The following TENM1 variants were observed in gnomAD, a reference collection of about 807,000 sequenced individuals.
TENM1 encodes teneurin-1.
Under a neutral mutation model 174.8 loss-of-function variants are expected in TENM1, and 35 were observed. The observed-to-expected ratio is 0.20, with a 90% CI of 0.15 to 0.27. TENM1 has a LOEUF of 0.27. TENM1 is among the 10% of genes least tolerant of loss of function. The pLI is 1.00. For missense variants in TENM1, 1,633 were observed against 2,130.1 expected (o/e 0.77, Z 4.59); for synonymous variants, 781 against 798.7 (o/e 0.98, Z 0.37).
intron 22 of TENM1, among the ~76,000 whole-genome samples, chrX:124,475,074 T>C (rs960996033): frequency 2.7e-5 from 3 of 111,522 alleles, no homozygotes; most frequent in African/African-American, 9.8e-5. Context: ...GGTGGTAGAA[T>C]GCTGTCTTAC....
At chrX:125,117,310 A>G in the TENM1 span, among the ~76,000 whole-genome samples, 2 of 112,490 alleles carry the variant, frequency 1.8e-5, no homozygotes, top group East Asian at 5.6e-4. Context: ...CCAAATGTCC[A>G]ACAGTGACAG....
intron 11 of TENM1, among the ~76,000 whole-genome samples, chrX:124,586,757 T>G (rs767280096): frequency 2.9e-3 from 306 of 106,032 alleles, no homozygotes; most frequent in Middle Eastern, 0.023. Context: ...TGTCCCTGTT[T>G]GCAGATGACA....
intron 5 of TENM1, among the ~76,000 whole-genome samples, chrX:124,675,550 C>T (rs1465992732): frequency 9.2e-6 from 1 of 108,518 alleles, no homozygotes; most frequent in Non-Finnish European, 1.9e-5. Flanking sequence ...AAGTCATATT[C>T]ACATGTTGAT....
chrX:125,005,930 CA>C, the TENM1 span, among the ~76,000 whole-genome samples: 2 of 111,483 alleles, frequency 1.8e-5, no homozygotes, highest in Admixed American at 9.5e-5. Flanking sequence ...GTTTTGAGCA[CA>C]AAACTGGGTG....
At chrX:124,703,504 C>T (rs1328802985) in intron 5 of TENM1, among the ~76,000 whole-genome samples, 1 of 111,789 alleles carries the variant, frequency 8.9e-6, no homozygotes, top group Admixed American at 9.5e-5. Context: ...CTTGCTATTA[C>T]TTGAGCTTGT....
At chrX:124,897,673 T>C (rs1483584023) in intron 1 of TENM1, among the ~76,000 whole-genome samples, 2 of 112,397 alleles carry the variant, frequency 1.8e-5, no homozygotes, top group Non-Finnish European at 3.8e-5. Flanking sequence ...ATTAGAAATA[T>C]TCAATTAAAA....
At chrX:125,187,021 G>A in the TENM1 span, among the ~76,000 whole-genome samples, 8,470 of 111,877 alleles carry the variant, frequency 0.076, 784 homozygotes, top group African/African-American at 0.26. Context: ...CCAATGCTTT[G>A]AGAGGCTGAG....
intron 3 of TENM1, among the ~76,000 whole-genome samples, chrX:124,755,643 C>T (rs1453401439): frequency 1.0e-4 from 11 of 110,334 alleles, no homozygotes; most frequent in African/African-American, 2.0e-4. Context: ...TTCCTTTCCA[C>T]GTTTAGTGCT....
chrX:124,427,951 G>C (rs752309770), intron 23 of TENM1, among the ~76,000 whole-genome samples: 4 of 69,671 alleles, frequency 5.7e-5, no homozygotes, highest in African/African-American at 1.3e-4. Flanking sequence ...TTCTTTTTTG[G>C]GGGGGTGGGA....
intron 11 of TENM1, among the ~76,000 whole-genome samples, chrX:124,610,702 A>T (rs1652297841): frequency 9.0e-6 from 1 of 111,435 alleles, no homozygotes. Context: ...CTTTTCTGCC[A>T]GGGAGGTATT....
chrX:125,054,800 G>A, the TENM1 span, among the ~76,000 whole-genome samples: 2 of 111,482 alleles, frequency 1.8e-5, no homozygotes, highest in Admixed American at 9.5e-5. Context: ...GGAGGCGAGG[G>A]TAACATTTTT....
chrX:124,839,597 C>T (rs767112736), intron 3 of TENM1, among the ~76,000 whole-genome samples: 2 of 111,372 alleles, frequency 1.8e-5, no homozygotes, highest in African/African-American at 6.5e-5. Context: ...TGAAAAGTCC[C>T]TGATTAAACA....
the TENM1 span, among the ~76,000 whole-genome samples, chrX:125,026,542 CT>C: frequency 9.0e-6 from 1 of 111,712 alleles, no homozygotes; most frequent in Non-Finnish European, 1.9e-5. Flanking sequence ...CGCTCATTCA[CT>C]GAGGCTTGTG....
intron 23 of TENM1, among the ~76,000 whole-genome samples, chrX:124,423,856 C>T (rs764956694): frequency 4.2e-4 from 47 of 111,869 alleles, no homozygotes; most frequent in African/African-American, 1.5e-3. Flanking sequence ...TATGTTGAAG[C>T]CCTAACCCCC....
At chrX:124,799,735 G>C (rs1007328175) in intron 3 of TENM1, among the ~76,000 whole-genome samples, 4 of 111,360 alleles carry the variant, frequency 3.6e-5, no homozygotes, top group African/African-American at 1.3e-4. Context: ...ATTGGCTGTG[G>C]GTTTGTCATA....
intron 5 of TENM1, among the ~76,000 whole-genome samples, chrX:124,689,294 T>C (rs1221833211): frequency 1.8e-5 from 2 of 111,992 alleles, no homozygotes; most frequent in African/African-American, 6.5e-5. Context: ...TAGAAATTTA[T>C]GGTAAGAAAA....
intron 1 of TENM1, among the ~76,000 whole-genome samples, chrX:124,899,921 G>A (rs2057629151): frequency 8.9e-6 from 1 of 112,189 alleles, no homozygotes; most frequent in African/African-American, 3.2e-5. Context: ...AAAGAATGTG[G>A]AGCAATTGCA....
the TENM1 span, among the ~76,000 whole-genome samples, chrX:125,118,419 T>C: frequency 9.0e-6 from 1 of 111,635 alleles, no homozygotes; most frequent in African/African-American, 3.3e-5. Flanking sequence ...GAAAAAAAAG[T>C]TAAGTTGATC....
chrX:124,645,446 G>T, intron 9 of TENM1, 109 bp from the exon 13 acceptor site: 1 of 712,297 alleles, frequency 1.4e-6, no homozygotes, highest in Non-Finnish European at 2.0e-6. Flanking sequence ...TACTATTTCT[G>T]TCTTACCCTT....
Sources: allele counts gnomAD v4.1 joint callset (sites outside exome capture counted in the v4.1 genomes callset), GRCh38; gene constraint gnomAD v4.1.1; transcripts MANE v1.5; gene names NCBI Gene and HGNC (gene_info 2026-07-23, HGNC 2026-07-21).